MCF2L2: variants seen among roughly 807,000 people sequenced by gnomAD.
MCF2L2 encodes the protein probable guanine nucleotide exchange factor MCF2L2.
A neutral mutation model predicts 150.2 loss-of-function variants in MCF2L2; 102 were observed. The ratio of observed to expected loss-of-function variants is 0.68; its 90% CI spans 0.58 to 0.80. The LOEUF is 0.80. MCF2L2 is among the 30% of genes least tolerant of loss of function. The pLI, the probability that MCF2L2 is intolerant of heterozygous loss-of-function variation, is 0.00. For synonymous variants in MCF2L2, 465 were observed against 491.3 expected (o/e 0.95, Z 0.71); for missense variants, 1,256 against 1,372.8 (o/e 0.91, Z 1.34).
At chr3:183,406,947 C>A (rs1409149912) in intron 1 of MCF2L2, among the ~76,000 whole-genome samples, 1 of 152,146 alleles carries the variant, frequency 6.6e-6, no homozygotes, top group Non-Finnish European at 1.5e-5. Flanking sequence ...ACTAAGGTCA[C>A]AAAGATTTCC....
chr3:183,189,170 A>T (rs1191766709), intron 27 of MCF2L2, among the ~76,000 whole-genome samples: 2 of 152,188 alleles, frequency 1.3e-5, no homozygotes, highest in Non-Finnish European at 2.9e-5. Flanking sequence ...GGGGCCGAGC[A>T]CTGCTGGGTT....
At chr3:183,298,765 G>GCGCACGCGCACACACACACA in intron 11 of MCF2L2, 9 of 138,582 alleles carry the variant, frequency 6.5e-5, no homozygotes, top group African/African-American at 2.6e-4. Context: ...AAACACACAT[G>GCGCACGCGCACACACACACA]CACACACACA....
At chr3:183,350,103 T>A (rs1336731209) in intron 3 of MCF2L2, among the ~76,000 whole-genome samples, 3 of 152,180 alleles carry the variant, frequency 2.0e-5, no homozygotes, top group Admixed American at 1.3e-4. Context: ...CCACACAGAC[T>A]AAGACCCAAC....
At chr3:183,217,508 T>A (rs1427564025) in intron 21 of MCF2L2, among the ~76,000 whole-genome samples, 1 of 151,846 alleles carries the variant, frequency 6.6e-6, no homozygotes, top group African/African-American at 2.4e-5. Flanking sequence ...AAGAATACAA[T>A]CTGAGTATCA....
At chr3:183,320,988 AGG>A (rs1281618197) in intron 6 of MCF2L2, among the ~76,000 whole-genome samples, 1 of 152,148 alleles carries the variant, frequency 6.6e-6, no homozygotes, top group African/African-American at 2.4e-5. Context: ...GCCCGAGGAG[AGG>A]GAGAGAGACA....
chr3:183,229,145 T>C (rs770442307), intron 17 of MCF2L2, among the ~76,000 whole-genome samples: 8 of 152,196 alleles, frequency 5.3e-5, no homozygotes, highest in Non-Finnish European at 1.0e-4. Context: ...CATTCCCATA[T>C]GTGTAACATG....
intron 20 of MCF2L2, among the ~76,000 whole-genome samples, chr3:183,222,106 C>A (rs914395573): frequency 2.0e-5 from 3 of 152,146 alleles, no homozygotes; most frequent in African/African-American, 7.2e-5. Context: ...TGAAGGGATG[C>A]CTCCTGCCTC....
At chr3:183,199,765 A>C (rs1722204549) in intron 25 of MCF2L2, among the ~76,000 whole-genome samples, 1 of 145,332 alleles carries the variant, frequency 6.9e-6, no homozygotes, top group Non-Finnish European at 1.5e-5. Context: ...AATGCTATCT[A>C]TCCCTTCCCC....
At chr3:183,241,009 T>C (rs1723999576) in intron 15 of MCF2L2, among the ~76,000 whole-genome samples, 1 of 152,200 alleles carries the variant, frequency 6.6e-6, no homozygotes, top group Non-Finnish European at 1.5e-5. Flanking sequence ...AAATGTACCA[T>C]AATCCTGACC....
At chr3:183,244,017 G>A (rs6797576) in intron 15 of MCF2L2, among the ~76,000 whole-genome samples, 46,180 of 151,862 alleles carry the variant, frequency 0.3, 7,333 homozygotes, top group African/African-American at 0.39. Flanking sequence ...CCAGCTACTC[G>A]GGAGGCTGAG....
chr3:183,420,874 C>A (rs142359801), intron 1 of MCF2L2, among the ~76,000 whole-genome samples: 6 of 152,200 alleles, frequency 3.9e-5, no homozygotes, highest in African/African-American at 7.2e-5. Flanking sequence ...AATCACCCCC[C>A]ACCAGGTCCC....
In MCF2L2 at chr3:183,231,022, A is replaced by C; in HGVS notation, c.1863-5T>G. 6.2e-7 allele frequency: 1 copy of C among 1,611,360 alleles called. No homozygotes were observed. Among genetic ancestry groups the C allele is most frequent in the East Asian group, 2.2e-5 (1 of 44,872 alleles). On this transcript the variant is annotated splice_region_variant and splice_polypyrimidine_tract_variant and intron_variant, in intron 15 of 29. Coordinates refer to ENST00000328913, the MANE Select transcript of MCF2L2 (RefSeq NM_015078.4). ...AGCAAGTCACGTATAATGCGCCTGAATCACAGCAGCAGGTGGGAGGGTGAA... is the reference window on the plus strand; with the variant it reads ...AGCAAGTCACGTATAATGCGCCTGACTCACAGCAGCAGGTGGGAGGGTGAA...
At chr3:183,295,058 C>T (rs544382410) in intron 13 of MCF2L2, among the ~76,000 whole-genome samples, 7 of 152,348 alleles carry the variant, frequency 4.6e-5, no homozygotes, top group South Asian at 2.1e-4. Context: ...CTACCGCACC[C>T]GGCCTTTATG....
At chr3:183,210,411 C>T (rs1004354964) in intron 22 of MCF2L2, among the ~76,000 whole-genome samples, 18 of 152,132 alleles carry the variant, frequency 1.2e-4, no homozygotes, top group African/African-American at 3.4e-4. Context: ...GTGAGTGGTA[C>T]GATTTATTAT....
intron 15 of MCF2L2, among the ~76,000 whole-genome samples, chr3:183,233,517 T>C (rs1576945226): frequency 6.6e-6 from 1 of 152,256 alleles, no homozygotes; most frequent in Non-Finnish European, 1.5e-5. Context: ...AGAGGCCAGG[T>C]ATTTTTAGTG....
At position 183,243,643 on chromosome 3, in the gene MCF2L2, C is replaced by T. The variant is rs143643650; in HGVS notation, c.1863-12626G>A. On this transcript the variant is annotated intron_variant, in intron 15 of 29. Transcript: ENST00000328913. ...ACCAACTTCGTTATATTCCTTGGTCCTCTATATATGGTCAAAGGTATTATG... is the reference window on the plus strand; with the variant it reads ...ACCAACTTCGTTATATTCCTTGGTCTTCTATATATGGTCAAAGGTATTATG... Among the ~76,000 whole-genome samples the T allele has an allele frequency of 2.2e-3, 333 of 152,278 alleles. 5 individuals are homozygous for T. The highest frequency in any genetic ancestry group is 7.8e-3 in the African/African-American group (324 of 41,552).
chr3:183,422,637 C>G (rs1246630437), intron 1 of MCF2L2, among the ~76,000 whole-genome samples: 1 of 152,180 alleles, frequency 6.6e-6, no homozygotes, highest in Non-Finnish European at 1.5e-5. Flanking sequence ...CCTGCCCCTC[C>G]TGGCAAGGGA....
chr3:183,325,194 C>A (rs1729975540), intron 5 of MCF2L2, among the ~76,000 whole-genome samples: 1 of 151,268 alleles, frequency 6.6e-6, no homozygotes, highest in Non-Finnish European at 1.5e-5. Context: ...GTGCAGCACA[C>A]CAGCATGGCA....
intron 25 of MCF2L2, among the ~76,000 whole-genome samples, chr3:183,196,352 A>G (rs1274579958): frequency 6.6e-6 from 1 of 152,168 alleles, no homozygotes. Flanking sequence ...AACAATCCAC[A>G]AAGGTTGAAA....
Sources: allele counts gnomAD v4.1 joint callset (sites outside exome capture counted in the v4.1 genomes callset), GRCh38; gene constraint gnomAD v4.1.1; transcripts MANE v1.5; gene names NCBI Gene and HGNC (gene_info 2026-07-23, HGNC 2026-07-21).